Variants in TOP2B observed in about 807,000 individuals in gnomAD.
TOP2B encodes the protein DNA topoisomerase 2-beta.
A neutral mutation model predicts 193.5 loss-of-function variants in TOP2B; 51 were observed. That is an observed-to-expected ratio of 0.26 (90% CI 0.21 to 0.33). The LOEUF is 0.33. Among genes scored for constraint, TOP2B ranks in the 10% least tolerant of loss-of-function variants. The probability of loss-of-function intolerance (pLI) is 1.00; values close to 1 mark genes in which losing one functional copy is unlikely to be tolerated. For synonymous variants in TOP2B, 634 were observed against 635.7 expected (o/e 1.00, Z 0.04); for missense variants, 1,378 against 1,909.3 (o/e 0.72, Z 5.19).
chr3:25,645,186 G>C, intron 2 of TOP2B, 114 bp downstream of exon 2: 3 of 982,592 alleles, frequency 3.1e-6, no homozygotes, highest in Non-Finnish European at 4.5e-6. Flanking sequence ...CTTTGACTAT[G>C]ACAGATGAAA....
intron 26 of TOP2B, 48 bp downstream of exon 26, chr3:25,615,383 G>T: frequency 6.5e-7 from 1 of 1,535,420 alleles, no homozygotes; most frequent in Non-Finnish European, 8.7e-7. Context: ...AAAAGATACA[G>T]ATAACACTGA....
chr3:25,639,936 G>A (rs1346663383), intron 4 of TOP2B, among the ~76,000 whole-genome samples: 3 of 152,098 alleles, frequency 2.0e-5, no homozygotes, highest in African/African-American at 7.2e-5. Context: ...AGAAGTTTAT[G>A]TGCACAAATG....
intron 1 of TOP2B, among the ~76,000 whole-genome samples, chr3:25,650,466 C>T (rs550919048): frequency 1.3e-5 from 2 of 152,284 alleles, no homozygotes; most frequent in East Asian, 3.9e-4. Context: ...GTTTCATTTC[C>T]TGCTACAATT....
chr3:25,642,810 A>G (rs1703302018), intron 3 of TOP2B, among the ~76,000 whole-genome samples: 1 of 152,166 alleles, frequency 6.6e-6, no homozygotes, highest in Non-Finnish European at 1.5e-5. Flanking sequence ...AAACCAGTTC[A>G]TTTTCAGTTA....
intron 14 of TOP2B, 23 bp downstream of exon 14, chr3:25,629,012 A>C: frequency 1.9e-6 from 3 of 1,571,468 alleles, no homozygotes; most frequent in Non-Finnish European, 2.6e-6. Flanking sequence ...AACAATATAA[A>C]AATATATTAA....
intron 1 of TOP2B, among the ~76,000 whole-genome samples, chr3:25,657,875 A>G (rs58909942): frequency 6.0e-5 from 9 of 149,690 alleles, no homozygotes; most frequent in African/African-American, 2.3e-4. Context: ...TCCCGGCTAA[A>G]ACGGTGAAAC....
At chr3:25,606,871 C>T (rs924986185) in intron 31 of TOP2B, among the ~76,000 whole-genome samples, 1 of 152,156 alleles carries the variant, frequency 6.6e-6, no homozygotes, top group Non-Finnish European at 1.5e-5. Flanking sequence ...GATTTATTTA[C>T]ATATCATTTG....
intron 28 of TOP2B, among the ~76,000 whole-genome samples, chr3:25,610,753 T>C (rs1479671260): frequency 3.3e-5 from 5 of 152,006 alleles, no homozygotes; most frequent in African/African-American, 4.8e-5. Context: ...AGTAGTAAAA[T>C]ATAGAACTTA....
intron 33 of TOP2B, 29 bp downstream of exon 33, chr3:25,604,731 G>T: frequency 6.7e-7 from 1 of 1,499,802 alleles, no homozygotes; most frequent in Non-Finnish European, 9.3e-7. Context: ...TCTATCCAAT[G>T]CTTAACTCAA....
At position 25,632,581 on chromosome 3, in the gene TOP2B, T is replaced by C. The variant is rs368306123; in HGVS notation, c.1131A>G (p.Val377=). 1.0e-5 allele frequency: 16 copies of C among 1,598,680 alleles called. No homozygotes were observed. Among genetic ancestry groups the C allele is most frequent in the Non-Finnish European group, 1.3e-5 (15 of 1,176,000 alleles). Residue 377 remains valine (V), a splice_region_variant and synonymous_variant, in exon 10 of 36, where the codon GTA becomes GTG. Transcript: ENST00000264331. ...KAGVSVKPFQ[V]KNHIWVFINC... is the part of the protein sequence containing the mutation. Reference sequence around the variant, plus strand: ...TAATAAAAACCCATATATGGTTTTTTACCTGTTGAAAACATACCCAAAAAA... The same window carrying C: ...TAATAAAAACCCATATATGGTTTTTCACCTGTTGAAAACATACCCAAAAAA...
intron 25 of TOP2B, among the ~76,000 whole-genome samples, chr3:25,617,698 C>A (rs1702541707): frequency 6.6e-6 from 1 of 152,168 alleles, no homozygotes; most frequent in Non-Finnish European, 1.5e-5. Flanking sequence ...TCTTCCTCTT[C>A]TGTAATAAAT....
At chr3:25,622,741 A>G (rs139076777) in intron 21 of TOP2B, among the ~76,000 whole-genome samples, 1,727 of 151,934 alleles carry the variant, frequency 0.011, 29 homozygotes, top group African/African-American at 0.038. Context: ...CCTGGGTTCA[A>G]GCGATTCTCC....
intron 18 of TOP2B, among the ~76,000 whole-genome samples, chr3:25,625,641 T>A (rs1702782125): frequency 6.6e-6 from 1 of 152,246 alleles, no homozygotes; most frequent in African/African-American, 2.4e-5. Context: ...AGTGTTAGTG[T>A]ATTTTTACAT....
intron 28 of TOP2B, among the ~76,000 whole-genome samples, chr3:25,610,306 A>T (rs1702336537): frequency 6.6e-6 from 1 of 152,174 alleles, no homozygotes; most frequent in Admixed American, 6.5e-5. Flanking sequence ...AACAAAAAAC[A>T]CAGAGGCACA....
chr3:25,632,531 A>G lies in TOP2B; in HGVS notation c.1181T>C (p.Phe394Ser). The G allele has an allele frequency of 6.3e-7, 1 of 1,590,180 alleles. No homozygotes were observed. Among genetic ancestry groups the G allele is most frequent in the Non-Finnish European group, 8.5e-7 (1 of 1,172,000 alleles). The change falls in exon 10 of 36, where the codon TTT (phenylalanine) becomes TCT (serine). Residue 394 changes from phenylalanine (F) to serine (S), a missense_variant. Coordinates refer to ENST00000264331, the MANE Select transcript of TOP2B (RefSeq NM_001330700.2). ...CATGTTTTCCTTAGTCTGAGAATCA[A>G]AAGTTGGATTTTCAATAAGGCAATT... The part of the protein sequence containing the change: ...FINCLIENPT[F>S]DSQTKENMTL...
At chr3:25,643,890 T>G in intron 2 of TOP2B, 106 bp from the exon 3 acceptor site, 1 of 720,994 alleles carries the variant, frequency 1.4e-6, no homozygotes, top group Non-Finnish European at 2.3e-6. Context: ...TACTTAGATC[T>G]GCAAAGTAGA....
At chr3:25,622,960 T>C (rs1306187729) in intron 21 of TOP2B, among the ~76,000 whole-genome samples, 4 of 152,108 alleles carry the variant, frequency 2.6e-5, no homozygotes, top group Non-Finnish European at 5.9e-5. Flanking sequence ...GTATATTTAG[T>C]AGAGATGGAG....
Position 25,604,772 on chromosome 3 carries a change from C to T in TOP2B, c.4477G>A (p.Ala1493Thr). The T allele has an allele frequency of 6.2e-7, 1 of 1,611,904 alleles. No homozygotes were observed. Among genetic ancestry groups the T allele is most frequent in the Non-Finnish European group, 8.5e-7 (1 of 1,178,582 alleles). ...QTDKVPSKTV[A>T]AKKGKPSSDT... ...TATAAGTACATACCCTTTTTAGCAG[C>T]TACCGTTTTACTTGGAACTTTATCT... The change falls in exon 33 of 36, where the codon GCT becomes ACT. Residue 1493 changes from alanine to threonine, a missense_variant. Ala to Thr is a moderately conservative substitution (Grantham distance 58). Transcript: ENST00000264331.
intron 33 of TOP2B, 119 bp from the exon 34 acceptor site, chr3:25,601,344 G>A (rs759091586): frequency 1.1e-4 from 134 of 1,264,392 alleles, no homozygotes; most frequent in South Asian, 9.3e-4. Context: ...CTGGCTGGGC[G>A]TGGTGGCTCA....
Sources: allele counts gnomAD v4.1 joint callset (sites outside exome capture counted in the v4.1 genomes callset), GRCh38; gene constraint gnomAD v4.1.1; transcripts MANE v1.5; gene names NCBI Gene and HGNC (gene_info 2026-07-23, HGNC 2026-07-21).